The following SLC44A1 variants were observed in gnomAD, a reference collection of about 807,000 sequenced individuals.
SLC44A1 encodes the protein choline transporter-like protein 1.
In SLC44A1, 26 loss-of-function variants were observed where a neutral mutation model predicts 79.3. The ratio of observed to expected loss-of-function variants is 0.33; its 90% CI spans 0.24 to 0.46. The LOEUF (loss-of-function observed/expected upper bound fraction) is 0.46, where lower values mean the gene tolerates loss of function less well. Ranked by LOEUF, SLC44A1 falls within the 20% of genes least tolerant of loss-of-function variation. The pLI is 1.00. For synonymous variants in SLC44A1, 263 were observed against 286.2 expected, an observed-to-expected ratio of 0.92 and a Z score of 0.82; for missense variants, 688 against 798.1, an observed-to-expected ratio of 0.86 and a Z score of 1.66.
chr9:105,284,958 T>C lies in SLC44A1; in HGVS notation c.37-14262T>C, dbSNP rs180955517. Among the ~76,000 whole-genome samples the C allele has an allele frequency of 1.8e-4, 27 of 152,342 alleles. No individual in the cohort carries two copies. The East Asian group carries it at 2.9e-3, about 16-fold the overall frequency. On this transcript the variant is annotated intron_variant, in intron 1 of 15. Coordinates refer to ENST00000374720, the MANE Select transcript of SLC44A1 (RefSeq NM_080546.5). The stretch of plus-strand genomic sequence containing the variant: ...ATTTCCTCTCAACTCCCACTTTCTG[T>C]CTCTATAGATTTGCCTATTCTGGGT...
rs146584261 is a variant in SLC44A1 at position 105,284,926 on chromosome 9, A to C, written c.37-14294A>C. On this transcript the variant is annotated intron_variant, in intron 1 of 15. Coordinates refer to ENST00000374720, the MANE Select transcript of SLC44A1 (RefSeq NM_080546.5). The stretch of plus-strand genomic sequence containing the variant: ...AGAAACCCCATACCCATTAGCAGTC[A>C]TTCCCCATTTCCTCTCAACTCCCAC... Among the ~76,000 whole-genome samples, 717 of 152,298 alleles carry C rather than the reference A, an allele frequency of 4.7e-3. 7 individuals carry two copies. The highest frequency in any genetic ancestry group is 0.016 in the African/African-American group (680 of 41,574).
rs74709225 is a variant in SLC44A1, at chr9:105,373,282, C to A, written c.1495-1316C>A. On this transcript the variant is annotated intron_variant, in intron 12 of 15. Transcript: ENST00000374720. Reference sequence around the variant, plus strand: ...TTTAAGTCAGCACTAAACCCAAATTCCTCAGGACCAAAAGTTTTAGTCACA... The same window carrying A: ...TTTAAGTCAGCACTAAACCCAAATTACTCAGGACCAAAAGTTTTAGTCACA... Among the ~76,000 whole-genome samples the A allele has an allele frequency of 7.2e-3, 1,097 of 152,280 alleles. 18 individuals are homozygous for A. Among genetic ancestry groups the A allele is most frequent in the African/African-American group, 0.025 (1,040 of 41,562 alleles).
At chr9:105,341,239 A>T (rs780220771) in intron 4 of SLC44A1, among the ~76,000 whole-genome samples, 1 of 151,262 alleles carries the variant, frequency 6.6e-6, no homozygotes, top group Non-Finnish European at 1.5e-5. Flanking sequence ...GGAGGCTGAG[A>T]TAGGAGAATT....
At position 105,362,599 on chromosome 9, in the gene SLC44A1, T is replaced by G. The variant is rs3802436; in HGVS notation, c.901-222T>G. On this transcript the variant is annotated intron_variant, in intron 8 of 15. Transcript: ENST00000374720. ...AAAATTCTAGAATGTATTAATAAGT[T>G]GAGAAATCCTTTTATGTTTTGCTTT... is the stretch of plus-strand genomic sequence containing the variant. 2.4e-3 allele frequency among the ~76,000 whole-genome samples: 359 copies of G among 152,302 alleles called. 7 individuals are homozygous for G. The East Asian group carries it at 0.058, about 25-fold the overall frequency.
At chr9:105,419,997 C>G (rs1307432558) in intron 15 of SLC44A1, among the ~76,000 whole-genome samples, 1 of 151,862 alleles carries the variant, frequency 6.6e-6, no homozygotes, top group Admixed American at 6.6e-5. Context: ...CTGTTGCTTC[C>G]TACCTCCCAT....
chr9:105,244,942 C>A, intron 1 of SLC44A1, 38 bp downstream of exon 1: 1 of 1,110,344 alleles, frequency 9.0e-7, no homozygotes, highest in Non-Finnish European at 1.1e-6. Flanking sequence ...CGCCCGGATG[C>A]CTCCCGTGCG....
intron 1 of SLC44A1, among the ~76,000 whole-genome samples, chr9:105,282,825 C>G (rs531578940): frequency 1.8e-3 from 275 of 152,250 alleles, no homozygotes; most frequent in African/African-American, 6.3e-3. Flanking sequence ...GGATTACAGG[C>G]GTGAGCCACT....
At chr9:105,351,174 C>T (rs1422496796) in intron 5 of SLC44A1, among the ~76,000 whole-genome samples, 15 of 152,154 alleles carry the variant, frequency 9.9e-5, no homozygotes, top group Admixed American at 9.8e-4. Context: ...ATTTGGGCAC[C>T]TCTGGATGCC....
chr9:105,358,258 G>A, intron 6 of SLC44A1, 86 bp from the exon 7 acceptor site: 1 of 770,398 alleles, frequency 1.3e-6, no homozygotes, highest in Non-Finnish European at 2.2e-6. Context: ...TTTCCCTGGG[G>A]AAAAAAGCAA....
At chr9:105,246,598 T>TG (rs146248033) in intron 1 of SLC44A1, among the ~76,000 whole-genome samples, 1,937 of 152,286 alleles carry the variant, frequency 0.013, 48 homozygotes, top group African/African-American at 0.042. Flanking sequence ...TAGGAATTTG[T>TG]GGGGGTCTAG....
intron 15 of SLC44A1, among the ~76,000 whole-genome samples, chr9:105,419,792 G>A (rs939647487): frequency 1.3e-5 from 2 of 151,656 alleles, no homozygotes; most frequent in Non-Finnish European, 2.9e-5. Context: ...GCATGTGCCT[G>A]TAATCCAGCT....
intron 15 of SLC44A1, among the ~76,000 whole-genome samples, chr9:105,431,222 T>A (rs10441742): frequency 0.041 from 6,250 of 152,298 alleles, 413 homozygotes; most frequent in African/African-American, 0.14. Context: ...AATTAATTTT[T>A]TATATGTCAT....
intron 14 of SLC44A1, among the ~76,000 whole-genome samples, chr9:105,384,484 A>AT (rs1291787919): frequency 1.5e-4 from 23 of 150,222 alleles, no homozygotes; most frequent in Admixed American, 4.7e-4. Flanking sequence ...CCCAGCCTAG[A>AT]TTTTTTTTTT....
chr9:105,336,001 T>A (rs554067170), intron 4 of SLC44A1, among the ~76,000 whole-genome samples: 1 of 152,308 alleles, frequency 6.6e-6, no homozygotes, highest in East Asian at 1.9e-4. Context: ...ACTAAACCAC[T>A]CTATGTAAAA....
chr9:105,383,485 A>G (rs758057221), intron 14 of SLC44A1, 126 bp downstream of exon 14: 44 of 647,222 alleles, frequency 6.8e-5, no homozygotes, highest in Non-Finnish European at 1.0e-4. Flanking sequence ...ACCCCATAGC[A>G]CTGACTCATA....
chr9:105,437,526 A>C (rs934307736), intron 15 of SLC44A1, among the ~76,000 whole-genome samples: 1 of 152,102 alleles, frequency 6.6e-6, no homozygotes, highest in Non-Finnish European at 1.5e-5. Flanking sequence ...GTATATACCT[A>C]ATACTTTTGG....
At chr9:105,307,557 T>C (rs2131304727) in intron 2 of SLC44A1, among the ~76,000 whole-genome samples, 1 of 151,468 alleles carries the variant, frequency 6.6e-6, no homozygotes, top group African/African-American at 2.4e-5. Flanking sequence ...TGCAGGAGAA[T>C]CGCTTGAACC....
At chr9:105,364,103 T>G (rs548852993) in intron 9 of SLC44A1, among the ~76,000 whole-genome samples, 2 of 152,316 alleles carry the variant, frequency 1.3e-5, no homozygotes, top group South Asian at 4.1e-4. Context: ...TAAATGGAAC[T>G]AATTGTAAAG....
intron 15 of SLC44A1, among the ~76,000 whole-genome samples, chr9:105,438,046 A>G (rs529382362): frequency 0.012 from 1,883 of 152,310 alleles, 25 homozygotes; most frequent in African/African-American, 0.042. Context: ...ACATTGGGAA[A>G]TGTAGGCACA....
Sources: allele counts gnomAD v4.1 joint callset (sites outside exome capture counted in the v4.1 genomes callset), GRCh38; gene constraint gnomAD v4.1.1; transcripts MANE v1.5; gene names NCBI Gene and HGNC (gene_info 2026-07-23, HGNC 2026-07-21).